Variants in PDE11A observed in about 807,000 individuals in gnomAD.
PDE11A encodes phosphodiesterase 11A.
Under a neutral mutation model 100.5 loss-of-function variants are expected in PDE11A, and 100 were observed. The ratio of observed to expected loss-of-function variants is 1.00; its 90% confidence interval spans 0.85 to 1.18. The LOEUF (loss-of-function observed/expected upper bound fraction) is 1.18, where lower values mean the gene tolerates loss of function less well. Among genes scored for constraint, PDE11A ranks in the 50% most tolerant of loss-of-function variants. The probability of loss-of-function intolerance (pLI) is 0.00; values close to 1 mark genes in which losing one functional copy is unlikely to be tolerated. For synonymous variants in PDE11A, 381 were observed against 420.8 expected (o/e 0.91, Z 1.16); for missense variants, 1,141 against 1,152.6 (o/e 0.99, Z 0.15).
At chr2:178,089,479 C>T (rs1354286953) in intron 2 of PDE11A, among the ~76,000 whole-genome samples, 1 of 152,118 alleles carries the variant, frequency 6.6e-6, no homozygotes, top group Non-Finnish European at 1.5e-5. Flanking sequence ...TCTGGCCAAA[C>T]CAACTTAACA....
chr2:177,736,407 C>T (rs2081783222), intron 10 of PDE11A, among the ~76,000 whole-genome samples: 1 of 151,740 alleles, frequency 6.6e-6, no homozygotes, highest in South Asian at 2.1e-4. Context: ...ACCTGTAATC[C>T]CAGCTACTTA....
chr2:177,836,464 T>G (rs2083401857), intron 6 of PDE11A, among the ~76,000 whole-genome samples: 1 of 152,152 alleles, frequency 6.6e-6, no homozygotes, highest in Admixed American at 6.5e-5. Context: ...GGATTGTAAA[T>G]GCACCAATCA....
At chr2:177,646,862 A>G (rs1308162688) in intron 19 of PDE11A, among the ~76,000 whole-genome samples, 1 of 152,222 alleles carries the variant, frequency 6.6e-6, no homozygotes, top group Non-Finnish European at 1.5e-5. Context: ...GTTGTAAAGG[A>G]CAGGCAAGCC....
chr2:177,647,819 C>A (rs2080246722), intron 19 of PDE11A, among the ~76,000 whole-genome samples: 1 of 152,174 alleles, frequency 6.6e-6, no homozygotes, highest in Non-Finnish European at 1.5e-5. Context: ...CTTAATTTTA[C>A]AGCCTGATAA....
intron 15 of PDE11A, among the ~76,000 whole-genome samples, chr2:177,685,133 A>G (rs867294748): frequency 5.3e-5 from 8 of 152,214 alleles, no homozygotes; most frequent in Admixed American, 5.2e-4. Context: ...CCTGACATGT[A>G]GTAGAAGCTC....
intron 2 of PDE11A, among the ~76,000 whole-genome samples, chr2:177,956,491 A>C (rs1173986630): frequency 4.6e-5 from 7 of 152,372 alleles, no homozygotes; most frequent in Admixed American, 2.6e-4. Context: ...CCATTGTGGA[A>C]GTCAGTGTGG....
chr2:177,702,314 C>CAA (rs11352844), intron 13 of PDE11A, among the ~76,000 whole-genome samples: 24 of 140,852 alleles, frequency 1.7e-4, no homozygotes, highest in African/African-American at 6.0e-4. Flanking sequence ...GACTCCGTCT[C>CAA]AAAAAAAAAA....
chr2:178,044,757 G>A (rs2086728873), intron 1 of PDE11A, among the ~76,000 whole-genome samples: 4 of 152,116 alleles, frequency 2.6e-5, no homozygotes, highest in Admixed American at 2.6e-4. Flanking sequence ...AAATCATAAA[G>A]TGCTACACAA....
intron 10 of PDE11A, among the ~76,000 whole-genome samples, chr2:177,736,212 G>T (rs1035937612): frequency 6.6e-6 from 1 of 152,158 alleles, no homozygotes; most frequent in African/African-American, 2.4e-5. Flanking sequence ...TCCCGGGGGA[G>T]ATAAGTAACA....
At chr2:177,921,235 T>C (rs2085039874) in intron 2 of PDE11A, among the ~76,000 whole-genome samples, 2 of 151,914 alleles carry the variant, frequency 1.3e-5, no homozygotes, top group South Asian at 4.1e-4. Context: ...TGCTTTTTTA[T>C]TGCCTCTGCA....
Position 177,629,541 on chromosome 2 carries a change from T to G in PDE11A, c.2668A>C (p.Lys890Gln), listed in dbSNP as rs370675083. Residue 890 changes from lysine (K) to glutamine (Q), a missense_variant, in exon 20 of 20, where the codon AAA (lysine) becomes CAA (glutamine). Transcript: ENST00000286063. The part of the protein sequence containing the change: ...LYQALVKVNV[K>Q]LKPMLDSVAT... ...ACTGAATCTAGCATCGGCTTCAGTT[T>G]CACGTTGACCTTCACCAGTGCCTAA... 1.9e-6 allele frequency: 3 copies of G among 1,614,056 alleles called. No individual in the cohort carries two copies. Among genetic ancestry groups the G allele is most frequent in the African/African-American group, 1.3e-5 (1 of 74,916 alleles).
At chr2:178,033,123 A>G (rs2086569706) in intron 1 of PDE11A, among the ~76,000 whole-genome samples, 1 of 152,212 alleles carries the variant, frequency 6.6e-6, no homozygotes, top group Admixed American at 6.5e-5. Context: ...GCATGTTTTA[A>G]CCTAATGCAA....
chr2:177,685,210 C>T lies in PDE11A; in HGVS notation c.2346-4307G>A, dbSNP rs548040745. 3.3e-5 allele frequency among the ~76,000 whole-genome samples: 5 copies of T among 152,282 alleles called. No individual in the cohort carries two copies. In the East Asian group the frequency reaches 9.6e-4, roughly 29 times the overall value. On this transcript the variant is annotated intron_variant, in intron 15 of 19. Coordinates refer to ENST00000286063, the MANE Select transcript of PDE11A (RefSeq NM_016953.4). ...GAAAGCTAATCATTAAACAAACAAA[C>T]TCTTTAAACACTGGTTTCACCTAGA...
intron 19 of PDE11A, among the ~76,000 whole-genome samples, chr2:177,662,456 TA>T (rs2105476692): frequency 6.6e-6 from 1 of 152,320 alleles, no homozygotes; most frequent in African/African-American, 2.4e-5. Flanking sequence ...TGAATAACAT[TA>T]AAAAGTAATT....
intron 2 of PDE11A, among the ~76,000 whole-genome samples, chr2:177,987,636 C>A (rs376864884): frequency 1.3e-5 from 2 of 152,146 alleles, no homozygotes; most frequent in Admixed American, 6.6e-5. Context: ...AGAAAACAGG[C>A]TGCTGTCTCT....
intron 2 of PDE11A, among the ~76,000 whole-genome samples, chr2:178,001,662 G>A (rs2086146760): frequency 6.6e-6 from 1 of 152,136 alleles, no homozygotes; most frequent in East Asian, 1.9e-4. Flanking sequence ...TTAGAGATAA[G>A]CCCTGAAGTT....
intron 2 of PDE11A, among the ~76,000 whole-genome samples, chr2:177,982,003 C>T (rs560211904): frequency 6.6e-5 from 10 of 150,944 alleles, no homozygotes; most frequent in African/African-American, 1.7e-4. Context: ...CAGGCCTTTG[C>T]GACTGGGCCT....
chr2:177,865,290 A>G (rs769975767), intron 5 of PDE11A, among the ~76,000 whole-genome samples: 4 of 152,150 alleles, frequency 2.6e-5, no homozygotes, highest in Non-Finnish European at 5.9e-5. Context: ...GCATCCCCCA[A>G]AAAAACAAAA....
intron 19 of PDE11A, among the ~76,000 whole-genome samples, chr2:177,661,800 G>A (rs927781679): frequency 6.6e-6 from 1 of 152,140 alleles, no homozygotes; most frequent in Non-Finnish European, 1.5e-5. Context: ...TTCCCTTTCA[G>A]CATGACACAT....
Sources: gnomAD v4.1 joint callset for allele counts (sites outside exome capture counted in the v4.1 genomes callset) on GRCh38, gnomAD v4.1.1 for gene constraint, MANE v1.5 for transcripts, NCBI Gene and HGNC (gene_info 2026-07-23, HGNC 2026-07-21) for gene names.